ELF1: variants seen among roughly 807,000 people sequenced by gnomAD.
The protein encoded by ELF1 is E74 like ETS transcription factor 1.
Under a neutral mutation model 59.9 loss-of-function variants are expected in ELF1, and 24 were observed. That is an observed-to-expected ratio of 0.40 (90% CI 0.29 to 0.56). The LOEUF is 0.56. Among genes scored for constraint, ELF1 ranks in the 20% least tolerant of loss-of-function variants. The pLI is 0.44. For synonymous variants in ELF1, 248 were observed against 266.2 expected (o/e 0.93, Z 0.67); for missense variants, 627 against 742.2 (o/e 0.84, Z 1.80).
At chr13:40,992,431 T>C (rs188915838) in intron 1 of ELF1, among the ~76,000 whole-genome samples, 107 of 152,366 alleles carry the variant, frequency 7.0e-4, no homozygotes, top group African/African-American at 2.5e-3. Context: ...TATTCTAAAA[T>C]GTTTATTTCT....
At chr13:40,960,526 C>T (rs1465472029) in intron 2 of ELF1, among the ~76,000 whole-genome samples, 1 of 152,144 alleles carries the variant, frequency 6.6e-6, no homozygotes, top group Non-Finnish European at 1.5e-5. Context: ...ATGTTATGTT[C>T]TTTCAAATAT....
rs142818178 is a variant in ELF1, at chr13:40,949,822, C to T, written c.513G>A (p.Gln171=). 158 of 1,613,680 alleles carry T rather than the reference C, an allele frequency of 9.8e-5. No individual in the cohort carries two copies. The highest frequency in any genetic ancestry group is 1.2e-4 in the Non-Finnish European group (136 of 1,179,918). ...CCCACCTACCTTTTTTCCTCTTAGG[C>T]TGTTCTGGTGATGAGGCTCCCGGTG... ...ADSPGASSPE[Q]PKRKKGRKTK... is the part of the protein sequence containing the mutation. Residue 171 remains glutamine (Q), a synonymous_variant, in exon 5 of 9, where the codon CAG becomes CAA. Coordinates refer to ENST00000239882, the MANE Select transcript of ELF1 (RefSeq NM_172373.4).
At chr13:40,990,680 T>A (rs1190657329) in intron 1 of ELF1, among the ~76,000 whole-genome samples, 1 of 151,596 alleles carries the variant, frequency 6.6e-6, no homozygotes, top group African/African-American at 2.4e-5. Flanking sequence ...CATAGTGAAA[T>A]CCCGTCTCTA....
At chr13:40,971,461 G>A (rs1872545653) in intron 2 of ELF1, among the ~76,000 whole-genome samples, 1 of 152,048 alleles carries the variant, frequency 6.6e-6, no homozygotes, top group Admixed American at 6.6e-5. Context: ...ATGTTGCCCA[G>A]GCTAGTCTCA....
At position 40,941,330 on chromosome 13, in the gene ELF1, G is replaced by A; in HGVS notation, c.847C>T (p.Gln283Ter). ...QRGILAKVEG[Q>*]RLVYQFKEMP... is the part of the protein sequence containing the mutation. Reference sequence around the variant, plus strand: ...TCTTTAAACTGATACACCAAGCGCTGACCTTCCACTTTTGCCAGAATACCC... The same window carrying A: ...TCTTTAAACTGATACACCAAGCGCTAACCTTCCACTTTTGCCAGAATACCC... The change falls in exon 8 of 9, where the codon CAG (glutamine) becomes TAG (stop). Residue 283 changes from glutamine (Q) to a stop codon, truncating the protein, a stop_gained. Transcript: ENST00000239882. LOFTEE classifies it high-confidence loss of function. 6.2e-7 allele frequency: 1 copy of A among 1,609,124 alleles called. No individual in the cohort carries two copies. The highest frequency in any genetic ancestry group is 8.5e-7 in the Non-Finnish European group (1 of 1,178,770).
intron 2 of ELF1, among the ~76,000 whole-genome samples, chr13:40,979,724 A>C (rs1044394781): frequency 6.6e-6 from 1 of 152,190 alleles, no homozygotes; most frequent in Non-Finnish European, 1.5e-5. Context: ...TCTTAAAAGC[A>C]ACCTCTGTAT....
intron 1 of ELF1, among the ~76,000 whole-genome samples, chr13:41,039,770 T>A (rs1004085891): frequency 1.3e-5 from 2 of 152,186 alleles, no homozygotes; most frequent in African/African-American, 4.8e-5. Context: ...AGGTAGTGGG[T>A]GTATGAGTAC....
chr13:40,939,170 A>T (rs2138118401), intron 8 of ELF1, among the ~76,000 whole-genome samples: 1 of 151,986 alleles, frequency 6.6e-6, no homozygotes, highest in East Asian at 1.9e-4. Flanking sequence ...ACAAAAAATT[A>T]AAAAATTAGC....
At chr13:41,011,419 T>G (rs1875054843) in intron 1 of ELF1, among the ~76,000 whole-genome samples, 1 of 152,174 alleles carries the variant, frequency 6.6e-6, no homozygotes, top group Non-Finnish European at 1.5e-5. Flanking sequence ...CATCTGAATC[T>G]ACCCAATCCC....
chr13:41,035,173 A>C, intron 1 of ELF1, among the ~76,000 whole-genome samples: 1 of 152,250 alleles, frequency 6.6e-6, no homozygotes, highest in East Asian at 1.9e-4. Flanking sequence ...CACTCTTTGC[A>C]TTTTGAGCAC....
chr13:41,045,719 A>C (rs1290747437), intron 1 of ELF1, among the ~76,000 whole-genome samples: 2 of 152,184 alleles, frequency 1.3e-5, no homozygotes, highest in African/African-American at 2.4e-5. Flanking sequence ...CAATTTTGGA[A>C]TAAGTGCGAT....
Position 40,981,989 on chromosome 13 carries a change from T to C in ELF1, c.66A>G (p.Glu22=), listed in dbSNP as rs777310339. The change falls in exon 2 of 9, where the codon GAA becomes GAG. Residue 22 remains glutamate, a synonymous_variant. Coordinates refer to ENST00000239882, the MANE Select transcript of ELF1 (RefSeq NM_172373.4). ...FEFASNVMED[E]RQLGDPAIFP... is the part of the protein sequence containing the mutation. ...TTTTCTCTGAATCTCATACCTGTCG[T>C]TCATCCTCCATGACGTTACTAGCAA... 4 of 1,606,036 alleles carry C rather than the reference T, an allele frequency of 2.5e-6. No individual in the cohort carries two copies. The highest frequency in any genetic ancestry group is 2.2e-5 in the South Asian group (2 of 89,434).
intron 8 of ELF1, among the ~76,000 whole-genome samples, chr13:40,938,771 A>G (rs1464883646): frequency 2.6e-5 from 4 of 151,958 alleles, no homozygotes; most frequent in African/African-American, 9.7e-5. Context: ...AACCACAGGG[A>G]AAAAAGTTAA....
At chr13:41,013,397 G>A (rs1875188963) in intron 1 of ELF1, among the ~76,000 whole-genome samples, 1 of 152,002 alleles carries the variant, frequency 6.6e-6, no homozygotes. Flanking sequence ...GACAAACAAT[G>A]GAATACTATA....
intron 1 of ELF1, among the ~76,000 whole-genome samples, chr13:41,058,987 A>C (rs1877390925): frequency 6.6e-6 from 1 of 152,180 alleles, no homozygotes; most frequent in Admixed American, 6.5e-5. Context: ...AAAAAAAAGA[A>C]GAAAAAGTCA....
At chr13:41,028,692 A>G (rs1014860023) in intron 1 of ELF1, among the ~76,000 whole-genome samples, 1 of 152,204 alleles carries the variant, frequency 6.6e-6, no homozygotes, top group African/African-American at 2.4e-5. Context: ...ACTATGTAAT[A>G]TAAGATGTAT....
At chr13:41,036,664 T>C (rs573733411) in intron 1 of ELF1, among the ~76,000 whole-genome samples, 8 of 152,322 alleles carry the variant, frequency 5.3e-5, no homozygotes, top group South Asian at 2.1e-4. Context: ...CGTATGCTTA[T>C]TGCGGCACTA....
At chr13:40,943,682 C>T (rs984650572) in intron 6 of ELF1, among the ~76,000 whole-genome samples, 160 bp downstream of exon 6, 21 of 152,252 alleles carry the variant, frequency 1.4e-4, no homozygotes, top group Non-Finnish European at 2.5e-4. Flanking sequence ...GTCTACTTTA[C>T]TATCAGTTTT....
At chr13:41,021,094 A>C (rs535462543), upstream of ELF1, among the ~76,000 whole-genome samples, 3 of 152,330 alleles carry the variant, frequency 2.0e-5, no homozygotes, top group South Asian at 6.2e-4. Flanking sequence ...AGTGTCTCCA[A>C]GTCAGCATTA....
Sources: allele counts gnomAD v4.1 joint callset (sites outside exome capture counted in the v4.1 genomes callset), GRCh38; gene constraint gnomAD v4.1.1; transcripts MANE v1.5; gene names NCBI Gene and HGNC (gene_info 2026-07-23, HGNC 2026-07-21).